Variants in SPATS1 observed in about 807,000 individuals in gnomAD.
SPATS1 encodes spermatogenesis-associated serine-rich protein 1.
SPATS1 carries 23 observed loss-of-function variants against 33.6 expected under a neutral mutation model. The ratio of observed to expected loss-of-function variants is 0.68; its 90% CI spans 0.49 to 0.97. SPATS1 has a LOEUF of 0.97. SPATS1 is among the 50% of genes least tolerant of loss of function. The pLI is 0.00. For missense variants in SPATS1, 327 were observed against 361.0 expected (o/e 0.91, Z 0.76); for synonymous variants, 131 against 125.6 (o/e 1.04, Z -0.29).
At position 44,368,062 on chromosome 6, in the gene SPATS1, A is replaced by AT. The variant is rs1789354614; in HGVS notation, c.575-312dup. Among the ~76,000 whole-genome samples, 3 of 152,182 alleles carry AT rather than the reference A, an allele frequency of 2.0e-5. No homozygotes were observed. In the South Asian group the frequency reaches 6.2e-4, roughly 31 times the overall value. On this transcript the variant is annotated intron_variant, in intron 5 of 8. Transcript: ENST00000674044. ...TGCACTAATGCTCAGGAATGAAGAG[A>AT]TTTTTAGGTCAGAGATTTTTGGATC...
intron 3 of SPATS1, among the ~76,000 whole-genome samples, chr6:44,354,542 G>A (rs1472558222): frequency 1.3e-5 from 2 of 151,630 alleles, no homozygotes; most frequent in African/African-American, 4.8e-5. Flanking sequence ...TTTATTAAGG[G>A]TTTTACTATT....
At chr6:44,362,092 A>G in intron 5 of SPATS1, 100 bp downstream of exon 5, 1 of 1,441,788 alleles carries the variant, frequency 6.9e-7, no homozygotes, top group African/African-American at 1.4e-5. Context: ...AGCCCTGTAG[A>G]GTCACCATGT....
chr6:44,369,312 G>C (rs1255667519), intron 6 of SPATS1, among the ~76,000 whole-genome samples: 1 of 152,104 alleles, frequency 6.6e-6, no homozygotes, highest in Non-Finnish European at 1.5e-5. Flanking sequence ...AGAGGCCAAG[G>C]GTGGGGTGGG....
Position 44,369,880 on chromosome 6 carries a change from C to CATAAAATAAAATAAA in SPATS1, c.696-153_696-139dup, listed in dbSNP as rs56810338. Among the ~76,000 whole-genome samples, 170 of 147,604 alleles carry CATAAAATAAAATAAA rather than the reference C, an allele frequency of 1.2e-3. 1 individual carries two copies. The highest frequency in any genetic ancestry group is 2.3e-3 in the African/African-American group (93 of 39,680). ...GAGTGAGACCCTGTCTCAAAACATA[C>CATAAAATAAAATAAA]ATAAAATAAAATAAAATAAAATAAA... On this transcript the variant is annotated intron_variant, in intron 6 of 8. Transcript: ENST00000674044.
rs745544556 is a variant in SPATS1, at chr6:44,343,234, A to T, written c.139A>T (p.Ser47Cys). 1 of 1,611,746 alleles carries T rather than the reference A, an allele frequency of 6.2e-7. No individual in the cohort carries two copies. The highest frequency in any genetic ancestry group is 8.5e-7 in the Non-Finnish European group (1 of 1,178,680). ...CATGACCGAGGTGGAGAGGACCTAC[A>T]GTTGAGTTCTAAGAAATCCAGGCTG... ...SGMTEVERTY[S>C]ANCSDFLESK... Residue 47 changes from serine to cysteine, a missense_variant and splice_region_variant, in exon 2 of 9, where the codon AGT becomes TGT. By Grantham distance (112) the Ser-to-Cys change is moderately radical (BLOSUM62 -1). Transcript: ENST00000674044.
chr6:44,369,878 T>TAATATAAA (rs371918567), intron 6 of SPATS1, among the ~76,000 whole-genome samples, 173 bp from the exon 7 acceptor site: 2 of 55,714 alleles, frequency 3.6e-5, no homozygotes, highest in South Asian at 6.5e-4. Context: ...TCTCAAAACA[T>TAATATAAA]ACATAAAATA....
intron 2 of SPATS1, among the ~76,000 whole-genome samples, chr6:44,350,089 C>T (rs1333842197): frequency 2.6e-5 from 4 of 152,192 alleles, no homozygotes; most frequent in Non-Finnish European, 5.9e-5. Context: ...GGGGGCTGCT[C>T]TAGGCTCTAG....
At position 44,377,356 on chromosome 6, in the gene SPATS1, A is replaced by G; in HGVS notation, c.*293A>G. 2.1e-6 allele frequency: 1 copy of G among 481,948 alleles called. No individual in the cohort carries two copies. 29.9% of individuals were successfully genotyped at this position (481,948 alleles called of 1,614,324 possible). On this transcript the variant is annotated 3_prime_UTR_variant, in exon 9 of 9. Transcript: ENST00000674044. ...TTACCATTTTGCTGAACTCTTTGAG[A>G]GTGAGTGGCAGATATTGTAACCCTT...
At position 44,361,918 on chromosome 6, in the gene SPATS1, A is replaced by G. The variant is rs1788945976; in HGVS notation, c.500A>G (p.Asn167Ser). The change falls in exon 5 of 9, where the codon AAT becomes AGT. Residue 167 changes from asparagine to serine, a missense_variant. Transcript: ENST00000674044. Reference sequence around the variant, plus strand: ...CACGTCGGAAAGCAGTGCTTCTTTAATGGAGTCTTCCTCGGCAACAAGAGG... The same window carrying G: ...CACGTCGGAAAGCAGTGCTTCTTTAGTGGAGTCTTCCTCGGCAACAAGAGG... ...TYHVGKQCFF[N>S]GVFLGNKRSL... 3.7e-6 allele frequency: 6 copies of G among 1,614,240 alleles called. No homozygotes were observed. Among genetic ancestry groups the G allele is most frequent in the Non-Finnish European group, 5.1e-6 (6 of 1,180,044 alleles).
At chr6:44,360,796 A>C (rs1441626843) in intron 4 of SPATS1, among the ~76,000 whole-genome samples, 3 of 152,266 alleles carry the variant, frequency 2.0e-5, no homozygotes, top group Non-Finnish European at 4.4e-5. Flanking sequence ...AAAATAATAT[A>C]GAAGTATATA....
intron 5 of SPATS1, among the ~76,000 whole-genome samples, chr6:44,364,747 C>G (rs1734887378): frequency 6.6e-6 from 1 of 151,276 alleles, no homozygotes; most frequent in South Asian, 2.1e-4. Flanking sequence ...TTTTTTCTTT[C>G]TGTCTTTCTT....
chr6:44,350,852 C>T (rs552137731), intron 2 of SPATS1, among the ~76,000 whole-genome samples: 5 of 152,148 alleles, frequency 3.3e-5, no homozygotes, highest in Non-Finnish European at 5.9e-5. Flanking sequence ...GTCTGGGTGT[C>T]GTGGCTTACA....
In SPATS1 at chr6:44,368,395, T is replaced by C. The variant is rs969835900; in HGVS notation, c.591T>C (p.Asn197=). The change falls in exon 6 of 9, where the codon AAT becomes AAC. Residue 197 remains asparagine, a synonymous_variant. Transcript: ENST00000674044. ...GRKKYDIDPR[N]GIPKLTPGDN... Reference sequence around the variant, plus strand: ...TCTCCACAGATATTGATCCCAGGAATGGAATCCCAAAGTTAACTCCAGGCG... The same window carrying C: ...TCTCCACAGATATTGATCCCAGGAACGGAATCCCAAAGTTAACTCCAGGCG... 1 of 1,613,422 alleles carries C rather than the reference T, an allele frequency of 6.2e-7. No individual in the cohort carries two copies. The highest frequency in any genetic ancestry group is 8.5e-7 in the Non-Finnish European group (1 of 1,179,716).
chr6:44,375,921 C>G (rs1233760447), intron 7 of SPATS1, among the ~76,000 whole-genome samples: 1 of 151,922 alleles, frequency 6.6e-6, no homozygotes, highest in Non-Finnish European at 1.5e-5. Context: ...GCTTGACCAA[C>G]AAGGTGAAAC....
At chr6:44,364,965 T>C (rs1263008123) in intron 5 of SPATS1, among the ~76,000 whole-genome samples, 4 of 152,120 alleles carry the variant, frequency 2.6e-5, no homozygotes, top group African/African-American at 9.7e-5. Context: ...AATTCTTGTC[T>C]TTTAGTAGAG....
rs776009357 is a variant in SPATS1 at position 44,376,427 on chromosome 6, C to T, written c.828C>T (p.Asp276=). 2 of 1,612,634 alleles carry T rather than the reference C, an allele frequency of 1.2e-6. No homozygotes were observed. The highest frequency in any genetic ancestry group is 8.5e-7 in the Non-Finnish European group (1 of 1,179,628). ...AGATACAAGAGGTTGAGGAGCTTGA[C>T]AACTGGCAGCCAGCAGTGCCCTTAA... ...KNEIQEVEEL[D]NWQPAVPLMH... The change falls in exon 8 of 9, where the codon GAC becomes GAT. Residue 276 remains aspartate, a synonymous_variant. Transcript: ENST00000674044.
chr6:44,352,869 G>C lies in SPATS1; in HGVS notation c.283G>C (p.Val95Leu), dbSNP rs76684705. 25 of 1,613,994 alleles carry C rather than the reference G, an allele frequency of 1.5e-5. No homozygotes were observed. Among genetic ancestry groups the C allele is most frequent in the Middle Eastern group, 1.7e-4 (1 of 6,060 alleles). ...TGGCCTCCCCAGAGTGTCTGCTTACGTAGAGTAAGTAAGGGTCTGGTGCAG... is the reference window on the plus strand; with the variant it reads ...TGGCCTCCCCAGAGTGTCTGCTTACCTAGAGTAAGTAAGGGTCTGGTGCAG... ...PPGLPRVSAY[V>L]DTTADLDRKL... Residue 95 changes from valine (V) to leucine (L), a missense_variant, in exon 3 of 9, where the codon GTA (valine) becomes CTA (leucine). By Grantham distance (32) the Val-to-Leu change is conservative (BLOSUM62 1). Transcript: ENST00000674044.
chr6:44,346,659 C>G (rs995708813), intron 2 of SPATS1, among the ~76,000 whole-genome samples: 1 of 152,222 alleles, frequency 6.6e-6, no homozygotes, highest in East Asian at 1.9e-4. Flanking sequence ...GCTGAGATTG[C>G]AGGCATAAGC....
intron 7 of SPATS1, among the ~76,000 whole-genome samples, chr6:44,375,118 C>T (rs1052754181): frequency 3.3e-5 from 5 of 152,188 alleles, no homozygotes; most frequent in African/African-American, 1.2e-4. Flanking sequence ...GTCTCAGTGG[C>T]TCTGGGAAGA....
Sources: gnomAD v4.1 joint callset for allele counts (sites outside exome capture counted in the v4.1 genomes callset) on GRCh38, gnomAD v4.1.1 for gene constraint, MANE v1.5 for transcripts, NCBI Gene and HGNC (gene_info 2026-07-23, HGNC 2026-07-21) for gene names.